The following ACSBG2 variants were observed in gnomAD, a reference collection of about 807,000 sequenced individuals.
The protein encoded by ACSBG2 is long-chain-fatty-acid--CoA ligase ACSBG2.
Under a neutral mutation model 74.7 loss-of-function variants are expected in ACSBG2, and 62 were observed. The observed-to-expected ratio is 0.83, with a 90% CI of 0.68 to 1.03. The LOEUF is 1.03. Ranked by LOEUF, ACSBG2 falls within the 50% of genes least tolerant of loss-of-function variation. The pLI, the probability that ACSBG2 is intolerant of heterozygous loss-of-function variation, is 0.00. For missense variants in ACSBG2, 730 were observed against 817.6 expected (o/e 0.89, Z 1.31); for synonymous variants, 309 against 294.1 (o/e 1.05, Z -0.52).
intron 2 of ACSBG2, among the ~76,000 whole-genome samples, chr19:6,145,999 T>C (rs1196441492): frequency 6.6e-6 from 1 of 152,166 alleles, no homozygotes; most frequent in African/African-American, 2.4e-5. Context: ...ACGACACACA[T>C]AACTCACTTC....
intron 3 of ACSBG2, among the ~76,000 whole-genome samples, chr19:6,149,892 C>G: frequency 6.8e-6 from 1 of 147,532 alleles, no homozygotes; most frequent in Non-Finnish European, 1.5e-5. Context: ...GATCCACCTA[C>G]CTCGGCCTCC....
At chr19:6,182,549 C>T (rs975392444) in intron 8 of ACSBG2, among the ~76,000 whole-genome samples, 2 of 152,186 alleles carry the variant, frequency 1.3e-5, no homozygotes, top group Non-Finnish European at 2.9e-5. Context: ...CCAGTTTATG[C>T]CTCTCATCAA....
intron 10 of ACSBG2, 41 bp downstream of exon 10, chr19:6,183,313 T>C: frequency 6.3e-7 from 1 of 1,576,600 alleles, no homozygotes; most frequent in East Asian, 2.2e-5. Context: ...TCCCATAACA[T>C]GGGGTCAAGA....
rs1434465960 is a variant in ACSBG2, at chr19:6,187,616, G to GAGCGGAGAACCTCTGGACAAGCT, written c.1699_1721dup (p.Asn575AlafsTer8). The GAGCGGAGAACCTCTGGACAAGCT allele has an allele frequency of 2.5e-6, 4 of 1,614,104 alleles. No homozygotes were observed. Among genetic ancestry groups the GAGCGGAGAACCTCTGGACAAGCT allele is most frequent in the Non-Finnish European group, 3.4e-6 (4 of 1,180,028 alleles). ...GGGGGCAGTGTGAGATGAATCAGAT[G>GAGCGGAGAACCTCTGGACAAGCT]AGCGGAGAACCTCTGGACAAGCTGA... On this transcript the variant is annotated frameshift_variant, in exon 13 of 15. Transcript: ENST00000588485. LOFTEE classifies it high-confidence loss of function.
chr19:6,187,968 G>C, intron 13 of ACSBG2, 123 bp downstream of exon 13: 1 of 1,432,920 alleles, frequency 7.0e-7, no homozygotes, highest in Non-Finnish European at 9.4e-7. Context: ...GACCAGGAGA[G>C]GGAGGCTGCC....
At position 6,182,950 on chromosome 19, in the gene ACSBG2, A is replaced by G; in HGVS notation, c.1088+18A>G. 1 of 1,613,084 alleles carries G rather than the reference A, an allele frequency of 6.2e-7. No individual in the cohort carries two copies. On this transcript the variant is annotated intron_variant, in intron 9 of 14. Coordinates refer to ENST00000588485, the MANE Select transcript of ACSBG2 (RefSeq NM_030924.5). Reference sequence around the variant, plus strand: ...ATGTTGGGGTAGGTGGAGCATCCAGAGGGCTGGGAGGGTAGTTGGTGAGGA... The same window carrying G: ...ATGTTGGGGTAGGTGGAGCATCCAGGGGGCTGGGAGGGTAGTTGGTGAGGA...
chr19:6,152,741 G>C (rs1472824627), intron 4 of ACSBG2, among the ~76,000 whole-genome samples: 1 of 152,004 alleles, frequency 6.6e-6, no homozygotes, highest in African/African-American at 2.4e-5. Flanking sequence ...GATACTTCTT[G>C]GAAGTGTTAT....
intron 8 of ACSBG2, among the ~76,000 whole-genome samples, chr19:6,177,694 G>A (rs1267210951): frequency 3.3e-5 from 5 of 150,896 alleles, no homozygotes; most frequent in East Asian, 1.9e-4. Context: ...AATAATAATA[G>A]TAAATTTTTC....
intron 2 of ACSBG2, 103 bp downstream of exon 2, chr19:6,141,713 C>T: frequency 2.5e-6 from 2 of 807,516 alleles, no homozygotes; most frequent in Non-Finnish European, 4.1e-6. Flanking sequence ...CCATTCCTTG[C>T]CTGACCCTGC....
chr19:6,187,766 G>T lies in ACSBG2; in HGVS notation c.1848G>T (p.Gln616His). The T allele has an allele frequency of 3.1e-6, 5 of 1,614,194 alleles. No homozygotes were observed. Among genetic ancestry groups the T allele is most frequent in the Non-Finnish European group, 4.2e-6 (5 of 1,180,032 alleles). The change falls in exon 13 of 15, where the codon CAG (glutamine) becomes CAT (histidine). Residue 616 changes from glutamine (Q) to histidine (H), a missense_variant. Transcript: ENST00000588485. Reference sequence around the variant, plus strand: ...AGCAAGGCATCAATGCTGTGAACCAGGAAGCCATGAACAATGCACAGAGGA... The same window carrying T: ...AGCAAGGCATCAATGCTGTGAACCATGAAGCCATGAACAATGCACAGAGGA... The part of the protein sequence containing the change: ...AIQQGINAVN[Q>H]EAMNNAQRIE...
intron 3 of ACSBG2, among the ~76,000 whole-genome samples, 197 bp downstream of exon 3, chr19:6,147,872 GTC>G (rs2089094531): frequency 6.6e-6 from 1 of 151,896 alleles, no homozygotes; most frequent in South Asian, 2.1e-4. Flanking sequence ...TTTTTTGTGT[GTC>G]CTTTTGGGAA....
intron 7 of ACSBG2, chr19:6,175,903 A>T (rs1365474625): frequency 6.5e-6 from 1 of 154,104 alleles, no homozygotes; most frequent in East Asian, 1.9e-4. Flanking sequence ...CTCTGTCCCC[A>T]CTTTAAAGAA....
At position 6,141,389 on chromosome 19, in the gene ACSBG2, A is replaced by C. The variant is rs1025122652; in HGVS notation, c.-31-124A>C. 1.8e-5 allele frequency: 11 copies of C among 605,824 alleles called. No homozygotes were observed. The East Asian group carries it at 3.1e-4, about 17-fold the overall frequency. 37.5% of individuals were successfully genotyped at this position (605,824 alleles called of 1,614,324 possible). On this transcript the variant is annotated intron_variant, in intron 1 of 14. Coordinates refer to ENST00000588485, the MANE Select transcript of ACSBG2 (RefSeq NM_030924.5). ...GCCACTCTCCTCTCCTCCCAGGCCC[A>C]GGACAGGCATGACCAATGGATCCTA... is the stretch of plus-strand genomic sequence containing the variant.
At chr19:6,178,556 AT>A (rs1292463458) in intron 8 of ACSBG2, among the ~76,000 whole-genome samples, 1 of 151,714 alleles carries the variant, frequency 6.6e-6, no homozygotes, top group Non-Finnish European at 1.5e-5. Flanking sequence ...TGATTTTTGT[AT>A]TTTTAGTAGA....
rs1271082462 is a variant in ACSBG2 at position 6,187,346 on chromosome 19, A to C, written c.1604A>C (p.Lys535Thr). Residue 535 changes from lysine to threonine, a missense_variant, in exon 12 of 15, where the codon AAG becomes ACG. Lys to Thr is a moderately conservative substitution (Grantham distance 78). Transcript: ENST00000588485. ...PPIPVETLVK[K>T]KIPIISNAML... is the part of the protein sequence containing the mutation. ...ATTCCTGTTGAGACCTTGGTTAAGAAGAAGATCCCCATCATCAGTAACGCC... is the reference window on the plus strand; with the variant it reads ...ATTCCTGTTGAGACCTTGGTTAAGACGAAGATCCCCATCATCAGTAACGCC... 6.2e-7 allele frequency: 1 copy of C among 1,614,168 alleles called. No homozygotes were observed. The highest frequency in any genetic ancestry group is 1.7e-5 in the Admixed American group (1 of 60,014).
intron 4 of ACSBG2, 100 bp from the exon 5 acceptor site, chr19:6,156,331 A>C: frequency 7.3e-7 from 1 of 1,365,588 alleles, no homozygotes; most frequent in Non-Finnish European, 9.7e-7. Context: ...CTGCAAACTT[A>C]AGAACTTGCC....
At chr19:6,162,433 G>A (rs1328309046) in intron 6 of ACSBG2, among the ~76,000 whole-genome samples, 1 of 151,388 alleles carries the variant, frequency 6.6e-6, no homozygotes, top group African/African-American at 2.4e-5. Flanking sequence ...CAGGCGTGGT[G>A]GTGGGCGCCT....
At chr19:6,161,367 T>G in intron 6 of ACSBG2, 72 bp downstream of exon 6, 3 of 1,459,550 alleles carry the variant, frequency 2.1e-6, no homozygotes, top group South Asian at 2.3e-5. Flanking sequence ...GTGGCCTAAG[T>G]GGAAGGTGAG....
In ACSBG2 at chr19:6,161,162, T is replaced by G. The variant is rs547925103; in HGVS notation, c.508-53T>G. ...TTACTTAGGACATCTAACCCAGCTT[T>G]AGTCTTTCCCAGGGCTGGGTTGCCA... On this transcript the variant is annotated intron_variant, in intron 5 of 14. Transcript: ENST00000588485. The G allele has an allele frequency of 3.9e-5, 58 of 1,500,316 alleles. No homozygotes were observed. In the East Asian group the frequency reaches 1.2e-3, roughly 31 times the overall value. 92.9% of individuals were successfully genotyped at this position (1,500,316 alleles called of 1,614,324 possible).
Sources: gnomAD v4.1 joint callset for allele counts (sites outside exome capture counted in the v4.1 genomes callset) on GRCh38, gnomAD v4.1.1 for gene constraint, MANE v1.5 for transcripts, NCBI Gene and HGNC (gene_info 2026-07-23, HGNC 2026-07-21) for gene names.